Variants in CCDC102B observed in about 807,000 individuals in gnomAD.
CCDC102B encodes the protein coiled-coil domain-containing protein 102B.
In CCDC102B, 75 loss-of-function variants were observed where a neutral mutation model predicts 57.4. The ratio of observed to expected loss-of-function variants is 1.31; its 90% CI spans 1.08 to 1.58. CCDC102B has a LOEUF of 1.58. CCDC102B is among the 40% of genes most tolerant of loss of function. The probability of loss-of-function intolerance (pLI) is 0.00; values close to 1 mark genes in which losing one functional copy is unlikely to be tolerated. For synonymous variants in CCDC102B, 206 were observed against 201.9 expected (o/e 1.02, Z -0.17); for missense variants, 636 against 582.6 (o/e 1.09, Z -0.94).
intron 6 of CCDC102B, among the ~76,000 whole-genome samples, chr18:68,961,886 A>T (rs755808566): frequency 7.1e-4 from 108 of 152,238 alleles, no homozygotes; most frequent in Non-Finnish European, 1.2e-3. Flanking sequence ...TTATATATTT[A>T]TCCTCTGTGG....
chr18:69,007,002 C>T (rs771330078), intron 6 of CCDC102B, among the ~76,000 whole-genome samples: 8 of 152,072 alleles, frequency 5.3e-5, no homozygotes, highest in African/African-American at 7.2e-5. Context: ...GGGATTGTCA[C>T]GTGGATTTAG....
chr18:68,769,780 C>A (rs1391434976), intron 2 of CCDC102B, among the ~76,000 whole-genome samples: 1 of 152,002 alleles, frequency 6.6e-6, no homozygotes, highest in Non-Finnish European at 1.5e-5. Flanking sequence ...ATGCTAAAAT[C>A]AAAAACTGAG....
chr18:69,051,922 G>GA lies in CCDC102B; in HGVS notation c.1435-2099dup, dbSNP rs61684548. Among the ~76,000 whole-genome samples, 798 of 149,762 alleles carry GA rather than the reference G, an allele frequency of 5.3e-3. 7 individuals are homozygous for GA. The highest frequency in any genetic ancestry group is 0.015 in the African/African-American group (602 of 40,956). On this transcript the variant is annotated intron_variant, in intron 7 of 7. Transcript: ENST00000360242. ...AACATAAATGACAAGTGTAAAACAT[G>GA]AAAAAAAAATAGTGAAAATACAGAA...
At chr18:68,754,281 A>T (rs747318312) in intron 2 of CCDC102B, 5 of 152,188 alleles carry the variant, frequency 3.3e-5, no homozygotes, top group Non-Finnish European at 7.3e-5. Flanking sequence ...AATACAGAAA[A>T]ATCTGCATGT....
intron 2 of CCDC102B, among the ~76,000 whole-genome samples, chr18:68,788,176 G>T (rs1331917146): frequency 6.6e-6 from 1 of 152,164 alleles, no homozygotes; most frequent in Non-Finnish European, 1.5e-5. Context: ...TAGTTTGATT[G>T]CACTGTGGTC....
chr18:69,025,768 C>T (rs977583385), intron 7 of CCDC102B, among the ~76,000 whole-genome samples: 3 of 152,150 alleles, frequency 2.0e-5, no homozygotes, highest in Non-Finnish European at 4.4e-5. Flanking sequence ...CATTGAATGT[C>T]AGACTTTTAT....
At position 68,837,127 on chromosome 18, in the gene CCDC102B, C is replaced by T. The variant is rs1311517187; in HGVS notation, c.364C>T (p.Gln122Ter). The change falls in exon 2 of 8, where the codon CAA becomes TAA. Residue 122 changes from glutamine (Q) to a stop codon, truncating the protein, a stop_gained. Transcript: ENST00000360242. LOFTEE classifies it high-confidence loss of function. Reference protein sequence around the residue: ...ERNSAREEGRQLRIKLEMAMK... With the variant: ...ERNSAREEGR Reference sequence around the variant, plus strand: ...GAACAGTGCCAGGGAGGAAGGAAGACAACTCAGAATAAAACTAGAGATGGC... The same window carrying T: ...GAACAGTGCCAGGGAGGAAGGAAGATAACTCAGAATAAAACTAGAGATGGC... 2.5e-6 allele frequency: 4 copies of T among 1,613,974 alleles called. No individual in the cohort carries two copies. The African/African-American group carries it at 4.0e-5, about 16-fold the overall frequency.
intron 5 of CCDC102B, among the ~76,000 whole-genome samples, chr18:68,875,727 A>T (rs1441322244): frequency 6.6e-6 from 1 of 152,060 alleles, no homozygotes; most frequent in Non-Finnish European, 1.5e-5. Flanking sequence ...CCAGATTAAA[A>T]TAATAGTAAT....
At position 69,054,670 on chromosome 18, in the gene CCDC102B, A is replaced by C; in HGVS notation, c.*533A>C. 1.0e-6 allele frequency: 1 copy of C among 981,746 alleles called. No homozygotes were observed. Among genetic ancestry groups the C allele is most frequent in the Non-Finnish European group, 1.2e-6 (1 of 826,602 alleles). 60.8% of individuals were successfully genotyped at this position (981,746 alleles called of 1,614,324 possible). On this transcript the variant is annotated 3_prime_UTR_variant, in exon 8 of 8. Coordinates refer to ENST00000360242, the MANE Select transcript of CCDC102B (RefSeq NM_024781.3). The stretch of plus-strand genomic sequence containing the variant: ...TAAGTCATTTCTAATCTTTGTATAA[A>C]ACAGAAGTGAGCAGATGAATCAGAA...
chr18:68,840,700 C>T (rs1295183450), intron 3 of CCDC102B, among the ~76,000 whole-genome samples: 2 of 152,148 alleles, frequency 1.3e-5, no homozygotes, highest in Non-Finnish European at 2.9e-5. Flanking sequence ...GACTTCTCTC[C>T]AGCCCACATA....
At chr18:68,757,151 G>A (rs1212545032) in intron 2 of CCDC102B, among the ~76,000 whole-genome samples, 1 of 152,084 alleles carries the variant, frequency 6.6e-6, no homozygotes, top group Non-Finnish European at 1.5e-5. Flanking sequence ...TAATTGCATT[G>A]TGTTCTGAAC....
chr18:68,862,810 T>G (rs2038818649), intron 4 of CCDC102B, among the ~76,000 whole-genome samples: 1 of 152,074 alleles, frequency 6.6e-6, no homozygotes, highest in African/African-American at 2.4e-5. Context: ...TATGGAAAAC[T>G]TTGGCTATAT....
intron 2 of CCDC102B, chr18:68,754,452 T>C (rs928391335): frequency 6.6e-6 from 1 of 152,104 alleles, no homozygotes; most frequent in African/African-American, 2.4e-5. Context: ...TGGCTGAACA[T>C]TGTAGACAGT....
intron 1 of CCDC102B, among the ~76,000 whole-genome samples, chr18:68,801,444 T>C (rs1296067257): frequency 6.6e-6 from 1 of 152,174 alleles, no homozygotes; most frequent in African/African-American, 2.4e-5. Context: ...AGTTGATTTA[T>C]ATTTAATGAT....
At chr18:68,905,439 T>C (rs2040593271) in intron 6 of CCDC102B, among the ~76,000 whole-genome samples, 1 of 151,248 alleles carries the variant, frequency 6.6e-6, no homozygotes, top group Non-Finnish European at 1.5e-5. Context: ...ATCATAAGAT[T>C]AGTGTAAACT....
At chr18:68,867,212 G>T (rs550026202) in intron 4 of CCDC102B, among the ~76,000 whole-genome samples, 184 of 152,286 alleles carry the variant, frequency 1.2e-3, no homozygotes, top group African/African-American at 4.3e-3. Flanking sequence ...AGATGGTCTC[G>T]ATTGCCTGAC....
intron 2 of CCDC102B, among the ~76,000 whole-genome samples, chr18:68,740,639 C>A (rs962744855): frequency 6.6e-6 from 1 of 152,176 alleles, no homozygotes; most frequent in Non-Finnish European, 1.5e-5. Context: ...TTGGCCATTG[C>A]TGGCATTGGA....
intron 4 of CCDC102B, among the ~76,000 whole-genome samples, chr18:68,871,064 G>A (rs78315231): frequency 0.18 from 26,749 of 151,950 alleles, 2,414 homozygotes; most frequent in African/African-American, 0.2. Context: ...GTGAATTATA[G>A]CAGGTATTTC....
intron 1 of CCDC102B, among the ~76,000 whole-genome samples, chr18:68,829,924 C>CA (rs2037075552): frequency 6.6e-6 from 1 of 151,702 alleles, no homozygotes. Context: ...AATGTAAAAA[C>CA]AACAACAACA....
Sources: gnomAD v4.1 joint callset for allele counts (sites outside exome capture counted in the v4.1 genomes callset) on GRCh38, gnomAD v4.1.1 for gene constraint, MANE v1.5 for transcripts, NCBI Gene and HGNC (gene_info 2026-07-23, HGNC 2026-07-21) for gene names.